PHEX: variants seen among roughly 807,000 people sequenced by gnomAD.
PHEX encodes the protein phosphate regulating endopeptidase X-linked.
PHEX carries 16 observed loss-of-function variants against 68.0 expected under a neutral mutation model. The observed-to-expected ratio is 0.24, with a 90% CI of 0.16 to 0.36. The LOEUF is 0.36. PHEX is among the 10% of genes least tolerant of loss of function. PHEX has a pLI of 1.00. For missense variants in PHEX, 480 were observed against 575.5 expected (o/e 0.83, Z 1.70); for synonymous variants, 208 against 205.1 (o/e 1.01, Z -0.12).
At chrX:22,222,689 A>G (rs907242018) in intron 18 of PHEX, among the ~76,000 whole-genome samples, 1 of 112,162 alleles carries the variant, frequency 8.9e-6, no homozygotes, top group African/African-American at 3.2e-5. Flanking sequence ...GCTTTCTTGG[A>G]GGAAGGGAAT....
At chrX:22,073,742 C>T (rs1433445573) in intron 3 of PHEX, among the ~76,000 whole-genome samples, 8 of 100,640 alleles carry the variant, frequency 7.9e-5, no homozygotes, top group African/African-American at 3.0e-4. Context: ...TGGGTTCAAG[C>T]GATTCTCCTG....
At chrX:22,186,629 T>A (rs964957362) in intron 14 of PHEX, among the ~76,000 whole-genome samples, 1 of 112,628 alleles carries the variant, frequency 8.9e-6, no homozygotes, top group Non-Finnish European at 1.9e-5. Flanking sequence ...GTGCAGCTGC[T>A]TAATATCAGC....
intron 12 of PHEX, among the ~76,000 whole-genome samples, chrX:22,141,262 G>A (rs1459184021): frequency 1.8e-5 from 2 of 111,454 alleles, no homozygotes; most frequent in African/African-American, 6.5e-5. Flanking sequence ...CTAAGGTGTG[G>A]TTCTGATGCC....
intron 18 of PHEX, among the ~76,000 whole-genome samples, chrX:22,224,548 T>C (rs1304088941): frequency 9.0e-6 from 1 of 111,410 alleles, no homozygotes; most frequent in Non-Finnish European, 1.9e-5. Flanking sequence ...CTGTTAGCAG[T>C]TGTGGGAATG....
intron 18 of PHEX, among the ~76,000 whole-genome samples, chrX:22,224,996 A>ATACAGCTCT (rs1935441593): frequency 2.1e-3 from 2 of 936 alleles, no homozygotes; most frequent in Non-Finnish European, 3.1e-3. Context: ...TCTGTATGTC[A>ATACAGCTCT]GAAGTCTGAC....
intron 20 of PHEX, among the ~76,000 whole-genome samples, chrX:22,231,346 G>T (rs1483116006): frequency 1.8e-5 from 2 of 111,824 alleles, no homozygotes; most frequent in Non-Finnish European, 3.8e-5. Flanking sequence ...AGAAGGAATG[G>T]TACCAGCTCC....
In PHEX at chrX:22,250,005, G is replaced by A. The variant is rs1159398402; in HGVS notation, c.*2052G>A. 9.0e-6 allele frequency: 1 copy of A among 111,439 alleles called. No individual in the cohort carries two copies. The highest frequency in any genetic ancestry group is 2.8e-4 in the East Asian group (1 of 3,554). The allele number at this position is 111,439 out of a possible 1,213,427, so 9.2% of individuals were successfully genotyped here. On this transcript the variant is annotated 3_prime_UTR_variant, in exon 22 of 22. Transcript: ENST00000379374. ...GCAAAACTGGTTGGTGATTAGTTGGGGCCCTCACAGTTTCTAGATGAGAAG... is the reference window on the plus strand; with the variant it reads ...GCAAAACTGGTTGGTGATTAGTTGGAGCCCTCACAGTTTCTAGATGAGAAG...
intron 13 of PHEX, among the ~76,000 whole-genome samples, chrX:22,175,685 G>A (rs1398707535): frequency 9.0e-6 from 1 of 110,957 alleles, no homozygotes; most frequent in African/African-American, 3.3e-5. Flanking sequence ...TCTGTTTAAT[G>A]TCTGTAGACC....
rs777328027 is a variant in PHEX at position 22,180,966 on chromosome X, G to GTA, written c.1586+2599_1586+2600dup. On this transcript the variant is annotated intron_variant, in intron 14 of 21. Coordinates refer to ENST00000379374, the MANE Select transcript of PHEX (RefSeq NM_000444.6). ...TTTTATGGCTTAATTGTACTCCATT[G>GTA]TATATATATACCACATTTTCTTTAT... 6.7e-4 allele frequency among the ~76,000 whole-genome samples: 75 copies of GTA among 111,959 alleles called. 1 individual carries two copies. Among genetic ancestry groups the GTA allele is most frequent in the Middle Eastern group, 4.6e-3 (1 of 217 alleles).
At chrX:22,207,145 A>C (rs1482354021) in intron 15 of PHEX, among the ~76,000 whole-genome samples, 1 of 112,305 alleles carries the variant, frequency 8.9e-6, no homozygotes, top group Non-Finnish European at 1.9e-5. Context: ...ACCAGTAAAA[A>C]GGAGAGGTTG....
At position 22,249,165 on chromosome X, in the gene PHEX, T is replaced by C. The variant is rs1936479470; in HGVS notation, c.*1212T>C. On this transcript the variant is annotated 3_prime_UTR_variant, in exon 22 of 22. Transcript: ENST00000379374. ...AGAGCAGTACTATGTGTTTTATCCT[T>C]AGAGCATTATCCTTCTAAGTGAACT... is the stretch of plus-strand genomic sequence containing the variant. The C allele has an allele frequency of 1.9e-5, 2 of 107,998 alleles. No individual in the cohort carries two copies. Among genetic ancestry groups the C allele is most frequent in the African/African-American group, 3.4e-5 (1 of 29,334 alleles). 8.9% of individuals were successfully genotyped at this position (107,998 alleles called of 1,213,427 possible). A position where few individuals can be genotyped will look rare whatever the true frequency, so the allele number is the denominator to read the frequency against.
Position 22,243,410 on chromosome X carries a change from A to G in PHEX, c.2071-1923A>G, listed in dbSNP as rs143270278. The stretch of plus-strand genomic sequence containing the variant: ...GTCTAAAACACCAAAATCGATGGCA[A>G]CAAAAGCCAAAATTGACAAATGGAA... On this transcript the variant is annotated intron_variant, in intron 20 of 21. Transcript: ENST00000379374. Among the ~76,000 whole-genome samples, 422 of 112,233 alleles carry G rather than the reference A, an allele frequency of 3.8e-3. 2 individuals carry two copies. The highest frequency in any genetic ancestry group is 0.013 in the African/African-American group (393 of 30,904).
intron 11 of PHEX, among the ~76,000 whole-genome samples, chrX:22,131,714 G>A (rs960239552): frequency 3.6e-4 from 40 of 112,619 alleles, no homozygotes; most frequent in Non-Finnish European, 5.3e-4. Flanking sequence ...ACATTTCAAC[G>A]TCTTTCCTTC....
At chrX:22,125,834 T>C (rs1368188074) in intron 11 of PHEX, among the ~76,000 whole-genome samples, 7 of 110,730 alleles carry the variant, frequency 6.3e-5, no homozygotes, top group African/African-American at 1.0e-4. Context: ...ATTTTTTTTT[T>C]CCCTTTTTCA....
At chrX:22,061,910 TCA>T (rs1344752300) in intron 3 of PHEX, among the ~76,000 whole-genome samples, 2 of 111,821 alleles carry the variant, frequency 1.8e-5, no homozygotes, top group African/African-American at 6.5e-5. Flanking sequence ...TTTAATTGAC[TCA>T]CAGTTCTGCA....
chrX:22,055,174 C>CAAAAAAAAAAAAAAA lies in PHEX; in HGVS notation c.349+7990_349+8004dup, dbSNP rs111628195. Among the ~76,000 whole-genome samples, 151 of 66,027 alleles carry CAAAAAAAAAAAAAAA rather than the reference C, an allele frequency of 2.3e-3. 11 individuals are homozygous for CAAAAAAAAAAAAAAA. Among genetic ancestry groups the CAAAAAAAAAAAAAAA allele is most frequent in the Non-Finnish European group, 3.3e-3 (108 of 33,117 alleles). The allele number at this position is 66,027 out of a possible 115,157, so 57.3% of individuals were successfully genotyped here. ...CGGGCAACAGAGAGAGACTCCAGCT[C>CAAAAAAAAAAAAAAA]AAAAAAAAAAAAAAAAAAAAAAAAA... On this transcript the variant is annotated intron_variant, in intron 3 of 21. Transcript: ENST00000379374.
At chrX:22,208,104 C>T (rs1246951829) in intron 15 of PHEX, among the ~76,000 whole-genome samples, 2 of 89,204 alleles carry the variant, frequency 2.2e-5, no homozygotes, top group Non-Finnish European at 4.1e-5. Context: ...ATTTTAATTA[C>T]ACAAGTTTAT....
chrX:22,127,385 G>A (rs900467415), intron 11 of PHEX, among the ~76,000 whole-genome samples: 1 of 110,770 alleles, frequency 9.0e-6, no homozygotes. Flanking sequence ...GCCTGGTTGA[G>A]GTGTGAGGTC....
intron 11 of PHEX, among the ~76,000 whole-genome samples, chrX:22,129,415 T>C (rs972466880): frequency 1.8e-5 from 2 of 111,949 alleles, no homozygotes; most frequent in African/African-American, 6.5e-5. Context: ...AGGATGCACA[T>C]AGCCATGTGC....
Sources: gnomAD v4.1 joint callset for allele counts (sites outside exome capture counted in the v4.1 genomes callset) on GRCh38, gnomAD v4.1.1 for gene constraint, MANE v1.5 for transcripts, NCBI Gene and HGNC (gene_info 2026-07-23, HGNC 2026-07-21) for gene names.